Variants in GRM8 observed in about 807,000 individuals in gnomAD.
The protein encoded by GRM8 is glutamate metabotropic receptor 8.
A neutral mutation model predicts 87.2 loss-of-function variants in GRM8; 47 were observed. The observed-to-expected ratio is 0.54, with a 90% confidence interval of 0.43 to 0.69. The LOEUF (loss-of-function observed/expected upper bound fraction) is 0.69. GRM8 is among the 30% of genes least tolerant of loss of function. The probability of loss-of-function intolerance (pLI) is 0.00; values close to 1 mark genes in which losing one functional copy is unlikely to be tolerated. For missense variants in GRM8, 1,019 were observed against 1,139.2 expected (o/e 0.89, Z 1.52); for synonymous variants, 396 against 404.5 (o/e 0.98, Z 0.25).
At chr7:126,923,961 A>G (rs1804816439) in intron 3 of GRM8, among the ~76,000 whole-genome samples, 1 of 152,212 alleles carries the variant, frequency 6.6e-6, no homozygotes, top group African/African-American at 2.4e-5. Flanking sequence ...TGATTCAAAT[A>G]CATCTACATG....
chr7:127,165,230 T>G (rs1225876680), intron 2 of GRM8, among the ~76,000 whole-genome samples: 2 of 134,756 alleles, frequency 1.5e-5, no homozygotes, highest in Non-Finnish European at 3.1e-5. Flanking sequence ...ATGGCAAAAC[T>G]AAAATGAGTA....
intron 3 of GRM8, among the ~76,000 whole-genome samples, chr7:126,950,624 A>C (rs141807920): frequency 2.0e-4 from 30 of 152,308 alleles, no homozygotes; most frequent in Non-Finnish European, 4.1e-4. Context: ...ATTTAAGAGC[A>C]ATTGGAAACA....
At chr7:127,158,654 G>A (rs1792888631) in intron 2 of GRM8, among the ~76,000 whole-genome samples, 1 of 152,122 alleles carries the variant, frequency 6.6e-6, no homozygotes, top group South Asian at 2.1e-4. Context: ...TCTTTTATAA[G>A]GGCACTAATC....
At position 127,225,587 on chromosome 7, in the gene GRM8, G is replaced by A. The variant is rs114902135; in HGVS notation, c.510+17108C>T. On this transcript the variant is annotated intron_variant, in intron 2 of 10. Coordinates refer to ENST00000339582, the MANE Select transcript of GRM8 (RefSeq NM_000845.3). ...AACAATTTGGAGCAGTGCCCCAAACGCTTAAATGAGCTGGGTACAAATCAG... is the reference window on the plus strand; with the variant it reads ...AACAATTTGGAGCAGTGCCCCAAACACTTAAATGAGCTGGGTACAAATCAG... Among the ~76,000 whole-genome samples, 698 of 151,486 alleles carry A rather than the reference G, an allele frequency of 4.6e-3. 6 individuals are homozygous for A. The highest frequency in any genetic ancestry group is 0.016 in the African/African-American group (680 of 41,378).
At chr7:126,854,370 C>T (rs1797487618) in intron 6 of GRM8, among the ~76,000 whole-genome samples, 1 of 152,188 alleles carries the variant, frequency 6.6e-6, no homozygotes, top group Admixed American at 6.5e-5. Flanking sequence ...ATGGCTTTAT[C>T]TTTCCCAGCT....
chr7:127,095,383 G>C (rs1586986427), intron 3 of GRM8, among the ~76,000 whole-genome samples: 1 of 152,214 alleles, frequency 6.6e-6, no homozygotes, highest in African/African-American at 2.4e-5. Context: ...CATGGGTGAT[G>C]CTGGGTAGGG....
At chr7:126,893,916 T>C (rs1673305171) in intron 6 of GRM8, among the ~76,000 whole-genome samples, 1 of 152,064 alleles carries the variant, frequency 6.6e-6, no homozygotes, top group African/African-American at 2.4e-5. Context: ...CTAGTTCTTT[T>C]GTTTAGCTAT....
chr7:127,205,397 T>A (rs1795848069), intron 2 of GRM8, among the ~76,000 whole-genome samples: 1 of 152,192 alleles, frequency 6.6e-6, no homozygotes, highest in African/African-American at 2.4e-5. Context: ...AGACTCGGGC[T>A]TTCTTTGAAG....
chr7:127,178,379 T>A (rs1794234770), intron 2 of GRM8, among the ~76,000 whole-genome samples: 1 of 152,170 alleles, frequency 6.6e-6, no homozygotes, highest in Non-Finnish European at 1.5e-5. Flanking sequence ...CTAAGAATAA[T>A]TGGTGTTCCT....
intron 2 of GRM8, among the ~76,000 whole-genome samples, chr7:127,166,736 C>G (rs1793475677): frequency 6.6e-6 from 1 of 152,088 alleles, no homozygotes; most frequent in Non-Finnish European, 1.5e-5. Flanking sequence ...GAAAAGATAC[C>G]TGAAAATGCT....
chr7:126,523,498 ATT>A (rs34139224), intron 9 of GRM8, among the ~76,000 whole-genome samples: 13 of 141,834 alleles, frequency 9.2e-5, no homozygotes, highest in Non-Finnish European at 9.3e-5. Flanking sequence ...AGACCTCTCA[ATT>A]TTTTTTTTTT....
intron 7 of GRM8, among the ~76,000 whole-genome samples, chr7:126,689,959 A>G (rs1808626613): frequency 6.6e-6 from 1 of 152,180 alleles, no homozygotes; most frequent in Admixed American, 6.5e-5. Context: ...GAGATTCTCT[A>G]TAGAGCAGAT....
At chr7:126,885,681 A>C (rs920236012) in intron 6 of GRM8, among the ~76,000 whole-genome samples, 1 of 152,196 alleles carries the variant, frequency 6.6e-6, no homozygotes, top group African/African-American at 2.4e-5. Context: ...TTAAGAAATT[A>C]GGTTTAAATG....
At chr7:126,968,063 T>C (rs191799592) in intron 3 of GRM8, among the ~76,000 whole-genome samples, 2 of 152,326 alleles carry the variant, frequency 1.3e-5, no homozygotes, top group East Asian at 3.9e-4. Flanking sequence ...CATTTTATGA[T>C]TTCAGCTTAT....
chr7:126,459,410 A>G (rs1490561667), intron 9 of GRM8, among the ~76,000 whole-genome samples: 1 of 150,488 alleles, frequency 6.6e-6, no homozygotes, highest in African/African-American at 2.4e-5. Flanking sequence ...CAAGGAAAGT[A>G]TTCACCCCCA....
intron 2 of GRM8, among the ~76,000 whole-genome samples, chr7:127,188,255 T>C (rs1794838912): frequency 6.6e-6 from 1 of 152,244 alleles, no homozygotes. Context: ...CCAAGTCATA[T>C]AACTAGTAAG....
intron 7 of GRM8, among the ~76,000 whole-genome samples, chr7:126,712,381 A>G (rs1369408150): frequency 6.6e-6 from 1 of 152,226 alleles, no homozygotes; most frequent in Non-Finnish European, 1.5e-5. Context: ...ACAGGTCACC[A>G]TAAGAGATGT....
At chr7:126,619,251 G>A (rs943976751) in intron 7 of GRM8, among the ~76,000 whole-genome samples, 6 of 152,048 alleles carry the variant, frequency 3.9e-5, no homozygotes, top group African/African-American at 1.2e-4. Context: ...GGAAATCATC[G>A]TTCTCAGCAA....
At chr7:126,561,629 TTTAA>T (rs1353866599) in intron 8 of GRM8, among the ~76,000 whole-genome samples, 1 of 151,800 alleles carries the variant, frequency 6.6e-6, no homozygotes, top group Non-Finnish European at 1.5e-5. Flanking sequence ...TATTTATTTA[TTTAA>T]TTATTATTAT....
Sources: allele counts gnomAD v4.1 joint callset (sites outside exome capture counted in the v4.1 genomes callset), GRCh38; gene constraint gnomAD v4.1.1; transcripts MANE v1.5; gene names NCBI Gene and HGNC (gene_info 2026-07-23, HGNC 2026-07-21).